CA10: variants seen among roughly 807,000 people sequenced by gnomAD.
The protein encoded by CA10 is carbonic anhydrase-related protein 10.
In CA10, 14 loss-of-function variants were observed where a neutral mutation model predicts 44.2. The observed-to-expected ratio is 0.32, with a 90% CI of 0.21 to 0.50. CA10 has a LOEUF of 0.50. CA10 is among the 20% of genes least tolerant of loss of function. The probability of loss-of-function intolerance (pLI) is 0.99; values close to 1 mark genes in which losing one functional copy is unlikely to be tolerated. For missense variants in CA10, 350 were observed against 409.7 expected (o/e 0.85, Z 1.26); for synonymous variants, 159 against 141.6 (o/e 1.12, Z -0.87).
chr17:51,669,473 C>A (rs1474429073), intron 4 of CA10, among the ~76,000 whole-genome samples: 1 of 152,142 alleles, frequency 6.6e-6, no homozygotes, highest in Non-Finnish European at 1.5e-5. Flanking sequence ...GCAGTGGCAA[C>A]CCTCTCGGGT....
intron 4 of CA10, among the ~76,000 whole-genome samples, chr17:51,679,264 CT>C (rs374164339): frequency 5.4e-4 from 73 of 136,228 alleles, no homozygotes; most frequent in East Asian, 1.7e-3. Flanking sequence ...TTTTCTTTCT[CT>C]TTTTTTTTTT....
At chr17:51,928,890 G>A (rs1318796063) in intron 3 of CA10, among the ~76,000 whole-genome samples, 6 of 151,962 alleles carry the variant, frequency 3.9e-5, no homozygotes, top group East Asian at 3.9e-4. Context: ...AGTTTATCAC[G>A]ACCAACTATA....
intron 2 of CA10, among the ~76,000 whole-genome samples, chr17:52,011,473 C>T (rs1985794559): frequency 6.6e-6 from 1 of 151,818 alleles, no homozygotes; most frequent in Non-Finnish European, 1.5e-5. Context: ...GTGGAATAGT[C>T]CATCTTAAGA....
intron 1 of CA10, among the ~76,000 whole-genome samples, chr17:52,156,170 G>C (rs572700946): frequency 6.6e-6 from 1 of 152,186 alleles, no homozygotes; most frequent in Non-Finnish European, 1.5e-5. Flanking sequence ...TTTATAACTA[G>C]TCAAATATTC....
intron 2 of CA10, among the ~76,000 whole-genome samples, chr17:51,944,942 C>T (rs1191818615): frequency 6.6e-6 from 1 of 152,114 alleles, no homozygotes; most frequent in African/African-American, 2.4e-5. Flanking sequence ...CTTCTCTGCA[C>T]CCACTTTCCG....
At chr17:52,050,900 C>A (rs936264283) in intron 2 of CA10, among the ~76,000 whole-genome samples, 3 of 151,716 alleles carry the variant, frequency 2.0e-5, no homozygotes, top group South Asian at 2.1e-4. Context: ...GAGGACAAGA[C>A]CATATTTGTT....
chr17:51,839,912 T>C (rs979942742), intron 3 of CA10, among the ~76,000 whole-genome samples: 1 of 152,220 alleles, frequency 6.6e-6, no homozygotes. Context: ...CAGACATTGT[T>C]GCAAGTTTCT....
At chr17:51,769,307 G>A (rs1258992758) in intron 3 of CA10, among the ~76,000 whole-genome samples, 1 of 152,152 alleles carries the variant, frequency 6.6e-6, no homozygotes, top group African/African-American at 2.4e-5. Flanking sequence ...CAAGGTGCCA[G>A]GCAGTGTGCT....
intron 2 of CA10, among the ~76,000 whole-genome samples, chr17:51,982,517 T>G (rs1192857834): frequency 6.6e-6 from 1 of 151,950 alleles, no homozygotes; most frequent in Non-Finnish European, 1.5e-5. Flanking sequence ...AAGAATATAG[T>G]AAAGAACATC....
At chr17:51,880,751 T>TA (rs912249934) in intron 3 of CA10, among the ~76,000 whole-genome samples, 8 of 149,468 alleles carry the variant, frequency 5.4e-5, no homozygotes, top group East Asian at 2.0e-4. Flanking sequence ...GTTTCAGTAA[T>TA]AAAAAAAAAT....
intron 3 of CA10, among the ~76,000 whole-genome samples, chr17:51,873,626 A>T (rs1323868643): frequency 6.6e-6 from 1 of 152,068 alleles, no homozygotes; most frequent in African/African-American, 2.4e-5. Flanking sequence ...GGCTGTGGAG[A>T]TGTTGGGCTT....
chr17:51,631,318 T>C lies in CA10; in HGVS notation c.*266A>G, dbSNP rs547640720. 3.8e-5 allele frequency: 17 copies of C among 445,148 alleles called. No homozygotes were observed. The highest frequency in any genetic ancestry group is 1.4e-4 in the East Asian group (4 of 27,654). 27.6% of individuals were successfully genotyped at this position (445,148 alleles called of 1,614,324 possible). On this transcript the variant is annotated 3_prime_UTR_variant, in exon 9 of 9. Transcript: ENST00000451037. ...GAAACTTGACTTCCCATGATGGAGG[T>C]TGTAAGAGTGTGTGTGTGTGTAGGT...
chr17:52,114,814 G>A (rs1177078651), intron 1 of CA10, among the ~76,000 whole-genome samples: 1 of 152,016 alleles, frequency 6.6e-6, no homozygotes, highest in Non-Finnish European at 1.5e-5. Context: ...TTCCTATCAG[G>A]TCCTGGCTCC....
At chr17:51,821,009 C>A (rs990067669) in intron 3 of CA10, among the ~76,000 whole-genome samples, 3 of 148,426 alleles carry the variant, frequency 2.0e-5, no homozygotes, top group African/African-American at 5.0e-5. Flanking sequence ...TCCATGCTCC[C>A]TCCCTCCCTT....
chr17:51,701,491 T>A (rs759112906), intron 4 of CA10, among the ~76,000 whole-genome samples: 3 of 152,078 alleles, frequency 2.0e-5, no homozygotes, highest in Non-Finnish European at 4.4e-5. Flanking sequence ...TTTATTTATT[T>A]TTTTTATGTT....
chr17:51,654,543 C>A (rs1913712255), intron 4 of CA10, among the ~76,000 whole-genome samples: 1 of 147,878 alleles, frequency 6.8e-6, no homozygotes, highest in African/African-American at 2.5e-5. Context: ...TTTTTCTTAA[C>A]AGTATGGAAG....
intron 3 of CA10, among the ~76,000 whole-genome samples, chr17:51,767,694 C>T (rs982161326): frequency 6.6e-6 from 1 of 151,190 alleles, no homozygotes; most frequent in Non-Finnish European, 1.5e-5. Flanking sequence ...TTACACAACT[C>T]ATCATAATGT....
At chr17:51,648,410 G>A (rs1597961308) in intron 6 of CA10, among the ~76,000 whole-genome samples, 1 of 152,196 alleles carries the variant, frequency 6.6e-6, no homozygotes, top group Non-Finnish European at 1.5e-5. Context: ...GAGTCAAAGT[G>A]AGGAAACTCC....
chr17:51,878,162 A>G lies in CA10; in HGVS notation c.279+52828T>C, dbSNP rs1258927612. Among the ~76,000 whole-genome samples the G allele has an allele frequency of 7.4e-5, 11 of 149,200 alleles. No homozygotes were observed. The East Asian group carries it at 1.4e-3, about 18-fold the overall frequency. On this transcript the variant is annotated intron_variant, in intron 3 of 8. Transcript: ENST00000451037. ...CCGTCTCAAAAAAAAAAAAAAAAAAAAAAAAGAAAAAGGAAAAAAGAAAAA... is the reference window on the plus strand; with the variant it reads ...CCGTCTCAAAAAAAAAAAAAAAAAAGAAAAAGAAAAAGGAAAAAAGAAAAA...
Sources: allele counts gnomAD v4.1 joint callset (sites outside exome capture counted in the v4.1 genomes callset), GRCh38; gene constraint gnomAD v4.1.1; transcripts MANE v1.5; gene names NCBI Gene and HGNC (gene_info 2026-07-23, HGNC 2026-07-21).